Variants in SPTBN1 observed in about 807,000 individuals in gnomAD.
SPTBN1 encodes the protein spectrin beta chain, non-erythrocytic 1.
SPTBN1 carries 32 observed loss-of-function variants against 266.4 expected under a neutral mutation model. The ratio of observed to expected loss-of-function variants is 0.12; its 90% confidence interval spans 0.09 to 0.16. The LOEUF is 0.16. Ranked by LOEUF, SPTBN1 falls within the 10% of genes least tolerant of loss-of-function variation. The pLI, the probability that SPTBN1 is intolerant of heterozygous loss-of-function variation, is 1.00. For missense variants in SPTBN1, 2,296 were observed against 3,067.1 expected, an observed-to-expected ratio of 0.75 and a Z score of 5.94; for synonymous variants, 1,336 against 1,162.2, an observed-to-expected ratio of 1.15 and a Z score of -3.04.
At chr2:54,598,948 C>T in intron 2 of SPTBN1, 144 bp from the exon 3 acceptor site, 4 of 776,744 alleles carry the variant, frequency 5.1e-6, no homozygotes, top group Non-Finnish European at 8.3e-6. Context: ...GACATGACCG[C>T]AGTTAAGGGG....
intron 2 of SPTBN1, among the ~76,000 whole-genome samples, chr2:54,552,084 G>C (rs1323255302): frequency 6.6e-6 from 1 of 152,170 alleles, no homozygotes; most frequent in East Asian, 1.9e-4. Flanking sequence ...TCCTGCCACT[G>C]AGAAATGCCC....
chr2:54,615,441 G>A (rs916842286), intron 4 of SPTBN1, among the ~76,000 whole-genome samples: 1 of 152,182 alleles, frequency 6.6e-6, no homozygotes, highest in Non-Finnish European at 1.5e-5. Flanking sequence ...TGTATTTGGA[G>A]CATTTGTCTA....
At chr2:54,594,370 A>G (rs1375725158) in intron 2 of SPTBN1, among the ~76,000 whole-genome samples, 2 of 152,254 alleles carry the variant, frequency 1.3e-5, no homozygotes, top group Admixed American at 6.5e-5. Context: ...ATAAGATGCA[A>G]TATAGCAGCT....
At chr2:54,621,972 A>G (rs925478091) in intron 8 of SPTBN1, among the ~76,000 whole-genome samples, 1 of 152,210 alleles carries the variant, frequency 6.6e-6, no homozygotes, top group African/African-American at 2.4e-5. Context: ...GGATCAAGCT[A>G]AATTGAGCCC....
chr2:54,463,245 C>T lies in SPTBN1; in HGVS notation c.-48+6727C>T, dbSNP rs187182506. On this transcript the variant is annotated intron_variant, in intron 1 of 35. Coordinates refer to ENST00000356805, the MANE Select transcript of SPTBN1 (RefSeq NM_003128.3). ...GATGGGAGGTGGACCTAGTGGGTGA[C>T]GAGCTAAGCTAAGGTGATAAAGATT... Among the ~76,000 whole-genome samples, 378 of 152,248 alleles carry T rather than the reference C, an allele frequency of 2.5e-3. 2 individuals are homozygous for T. Among genetic ancestry groups the T allele is most frequent in the African/African-American group, 8.5e-3 (355 of 41,540 alleles).
chr2:54,478,932 T>C (rs78827481), intron 1 of SPTBN1, among the ~76,000 whole-genome samples: 123 of 152,292 alleles, frequency 8.1e-4, no homozygotes, highest in African/African-American at 2.7e-3. Context: ...ATATATGTTT[T>C]ATTACTAGGG....
chr2:54,625,566 C>A (rs1367802178), intron 11 of SPTBN1, among the ~76,000 whole-genome samples: 1 of 151,326 alleles, frequency 6.6e-6, no homozygotes, highest in Non-Finnish European at 1.5e-5. Flanking sequence ...GGGGGGGTGG[C>A]GCGGGAAATA....
At chr2:54,581,528 G>A (rs1308231016) in intron 2 of SPTBN1, among the ~76,000 whole-genome samples, 1 of 148,662 alleles carries the variant, frequency 6.7e-6, no homozygotes, top group Non-Finnish European at 1.5e-5. Context: ...CAGGCAAGCC[G>A]ACCCTTGGGA....
chr2:54,603,260 A>G (rs1676616185), intron 3 of SPTBN1, among the ~76,000 whole-genome samples: 1 of 135,446 alleles, frequency 7.4e-6, no homozygotes, highest in South Asian at 2.4e-4. Context: ...GACTAAGTGA[A>G]GAGAGCATTT....
At chr2:54,552,242 C>A (rs1301590385) in intron 2 of SPTBN1, among the ~76,000 whole-genome samples, 2 of 152,124 alleles carry the variant, frequency 1.3e-5, no homozygotes, top group African/African-American at 4.8e-5. Context: ...TGAAATTTCT[C>A]CTATGAGGAG....
intron 17 of SPTBN1, among the ~76,000 whole-genome samples, chr2:54,633,420 T>C (rs1199749540): frequency 2.2e-5 from 3 of 138,780 alleles, no homozygotes; most frequent in Non-Finnish European, 4.8e-5. Context: ...TGTGTGTGTG[T>C]GTGTGCGTGT....
chr2:54,473,387 A>G (rs1353325708), intron 1 of SPTBN1, among the ~76,000 whole-genome samples: 1 of 152,226 alleles, frequency 6.6e-6, no homozygotes, highest in Non-Finnish European at 1.5e-5. Flanking sequence ...TCAGATGGCA[A>G]ATGAATTCTA....
chr2:54,653,550 G>C lies in SPTBN1; in HGVS notation c.5578-59G>C. ...ATGAGCAGAACAGAATAGGGCTTGG[G>C]GTGATGGTGGGAAGGCCGCCATGGG... On this transcript the variant is annotated intron_variant, in intron 26 of 35. Transcript: ENST00000356805. The surrounding 1 kb of genome is among the most constrained non-coding windows in gnomAD (Gnocchi z 5.1). The C allele has an allele frequency of 6.3e-7, 1 of 1,592,452 alleles. No individual in the cohort carries two copies. The highest frequency in any genetic ancestry group is 1.4e-5 in the African/African-American group (1 of 73,764).
rs549721411 is a variant in SPTBN1 at position 54,664,492 on chromosome 2, G to A, written c.6460G>A (p.Ala2154Thr). 95 of 1,613,946 alleles carry A rather than the reference G, an allele frequency of 5.9e-5. 1 individual carries two copies. In the South Asian group the frequency reaches 6.9e-4, roughly 12 times the overall value. ...TVDTSEMVNG[A>T]TEQRTSSKES... The stretch of plus-strand genomic sequence containing the variant: ...GGACACAAGCGAAATGGTCAACGGC[G>A]CTACAGAACAAAGGACGAGCTCTAA... Residue 2154 changes from alanine (A) to threonine (T), a missense_variant, in exon 33 of 36, where the codon GCT becomes ACT. This residue lies in a region of SPTBN1 where 347 missense variants were observed against 368.5 expected (regional missense o/e 0.94). Coordinates refer to ENST00000356805, the MANE Select transcript of SPTBN1 (RefSeq NM_003128.3). This position sits in a 1 kb window ranked among gnomAD's most constrained non-coding sequence, Gnocchi z 5.6.
intron 1 of SPTBN1, among the ~76,000 whole-genome samples, chr2:54,517,371 A>C (rs971547230): frequency 6.6e-6 from 1 of 150,752 alleles, no homozygotes; most frequent in Non-Finnish European, 1.5e-5. Flanking sequence ...ATTTCATAAT[A>C]TTAACAGCTC....
chr2:54,465,273 G>A (rs1327121928), intron 1 of SPTBN1, among the ~76,000 whole-genome samples: 1 of 152,078 alleles, frequency 6.6e-6, no homozygotes, highest in African/African-American at 2.4e-5. Flanking sequence ...CAGAGGACCA[G>A]GGTTCTTTGG....
rs1169565821 is a variant in SPTBN1 at position 54,628,943 on chromosome 2, C to T, written c.1809C>T (p.Pro603=). 1.2e-6 allele frequency: 2 copies of T among 1,600,718 alleles called. No homozygotes were observed. The highest frequency in any genetic ancestry group is 1.3e-5 in the African/African-American group (1 of 74,510). Reference sequence around the variant, plus strand: ...CTTGATGTTAAACAGGTTACAAGCCCTGTGACCCCCAGGTGATCCGAGACC... The same window carrying T: ...CTTGATGTTAAACAGGTTACAAGCCTTGTGACCCCCAGGTGATCCGAGACC... ...KFATDGEGYK[P]CDPQVIRDRV... The change falls in exon 14 of 36, where the codon CCC becomes CCT. Residue 603 remains proline (P), a synonymous_variant. Transcript: ENST00000356805. The surrounding 1 kb of genome is among the most constrained non-coding windows in gnomAD (Gnocchi z 4.3).
chr2:54,473,707 C>T (rs1310853777), intron 1 of SPTBN1, among the ~76,000 whole-genome samples: 1 of 152,176 alleles, frequency 6.6e-6, no homozygotes, highest in Non-Finnish European at 1.5e-5. Context: ...ATTCCTTTAA[C>T]CTTGCAGGAG....
At chr2:54,517,837 G>C (rs1359905672) in intron 1 of SPTBN1, among the ~76,000 whole-genome samples, 1 of 151,654 alleles carries the variant, frequency 6.6e-6, no homozygotes, top group East Asian at 1.9e-4. Flanking sequence ...GTAGAGACAG[G>C]GTTTCACCAT....
Sources: allele counts gnomAD v4.1 joint callset (sites outside exome capture counted in the v4.1 genomes callset), GRCh38; gene constraint gnomAD v4.1.1; regional missense constraint gnomAD v4.1.1; non-coding constraint Gnocchi (gnomAD v3.1); transcripts MANE v1.5; gene names NCBI Gene and HGNC (gene_info 2026-07-23, HGNC 2026-07-21).